Variants in CSMD1 observed in about 807,000 individuals in gnomAD.
The protein encoded by CSMD1 is CUB and sushi domain-containing protein 1.
In CSMD1, 213 loss-of-function variants were observed where a neutral mutation model predicts 417.5. That is an observed-to-expected ratio of 0.51 (90% confidence interval 0.46 to 0.57). The LOEUF (loss-of-function observed/expected upper bound fraction) is 0.57, where lower values mean the gene tolerates loss of function less well. Among genes scored for constraint, CSMD1 ranks in the 20% least tolerant of loss-of-function variants. The pLI is 0.00. For synonymous variants in CSMD1, 2,862 were observed against 1,736.8 expected, an observed-to-expected ratio of 1.65 and a Z score of -16.11; for missense variants, 6,923 against 4,529.7, an observed-to-expected ratio of 1.53 and a Z score of -15.17.
chr8:4,161,871 T>G (rs1797191809), intron 3 of CSMD1, among the ~76,000 whole-genome samples: 1 of 152,238 alleles, frequency 6.6e-6, no homozygotes, highest in South Asian at 2.1e-4. Flanking sequence ...TTTAATTCTT[T>G]TAGATTTTAT....
At chr8:4,180,257 A>T (rs1798284826) in intron 3 of CSMD1, among the ~76,000 whole-genome samples, 1 of 152,058 alleles carries the variant, frequency 6.6e-6, no homozygotes, top group African/African-American at 2.4e-5. Flanking sequence ...ATAAAAAATG[A>T]TGAGTTCATG....
At chr8:4,171,194 A>C (rs1272088188) in intron 3 of CSMD1, among the ~76,000 whole-genome samples, 1 of 151,688 alleles carries the variant, frequency 6.6e-6, no homozygotes. Flanking sequence ...CATCACCATC[A>C]CAGACCTGTG....
rs370854492 is a variant in CSMD1, at chr8:4,727,073, G to A, written c.86-89515C>T. ...ATGGAGAAACTGAGATTGATGTCAG[G>A]GCTTTCTACCGGCTGAGTAGGGTGA... On this transcript the variant is annotated intron_variant, in intron 1 of 69. Transcript: ENST00000635120. Among the ~76,000 whole-genome samples, 30 of 152,034 alleles carry A rather than the reference G, an allele frequency of 2.0e-4. 1 individual carries two copies. The highest frequency in any genetic ancestry group is 1.5e-3 in the Admixed American group (23 of 15,262).
intron 1 of CSMD1, among the ~76,000 whole-genome samples, chr8:4,952,308 G>C (rs1307725101): frequency 6.6e-6 from 1 of 150,720 alleles, no homozygotes; most frequent in African/African-American, 2.4e-5. Flanking sequence ...AAGTTAATTA[G>C]CCAACGCTTT....
intron 10 of CSMD1, among the ~76,000 whole-genome samples, chr8:3,505,368 C>G (rs1796781046): frequency 6.6e-6 from 1 of 152,060 alleles, no homozygotes; most frequent in African/African-American, 2.4e-5. Flanking sequence ...TTATAGATCA[C>G]TACATGAAAG....
At chr8:4,178,627 G>C (rs1307767515) in intron 3 of CSMD1, among the ~76,000 whole-genome samples, 5 of 151,980 alleles carry the variant, frequency 3.3e-5, no homozygotes, top group South Asian at 2.1e-4. Context: ...ATTAGGAAAA[G>C]AGGAAGTCAA....
At chr8:3,399,347 G>A in intron 16 of CSMD1, 44 bp downstream of exon 16, 2 of 1,530,048 alleles carry the variant, frequency 1.3e-6, no homozygotes, top group Non-Finnish European at 1.8e-6. Flanking sequence ...CTATGGAAGA[G>A]ACACACACCA....
At chr8:4,385,362 G>T (rs1484065144) in intron 3 of CSMD1, among the ~76,000 whole-genome samples, 1 of 152,190 alleles carries the variant, frequency 6.6e-6, no homozygotes, top group East Asian at 1.9e-4. Context: ...ACAAATAACC[G>T]ACGTGGCCCC....
At chr8:4,698,079 C>T (rs187121460) in intron 1 of CSMD1, among the ~76,000 whole-genome samples, 191 of 150,326 alleles carry the variant, frequency 1.3e-3, no homozygotes, top group Non-Finnish European at 2.3e-3. Flanking sequence ...AGTTCCCAAA[C>T]ATGTCAAATA....
chr8:3,426,344 C>T lies in CSMD1; in HGVS notation c.1562-16739G>A, dbSNP rs535125730. ...TTTGTTCCGTAGGTTACGTATCAGA[C>T]AGTGATCATGAGACTCATAGATACT... is the stretch of plus-strand genomic sequence containing the variant. On this transcript the variant is annotated intron_variant, in intron 12 of 69. Transcript: ENST00000635120. Among the ~76,000 whole-genome samples, 3 of 152,280 alleles carry T rather than the reference C, an allele frequency of 2.0e-5. No individual in the cohort carries two copies. The South Asian group carries it at 6.2e-4, about 32-fold the overall frequency.
intron 1 of CSMD1, among the ~76,000 whole-genome samples, chr8:4,938,627 C>A (rs1046580361): frequency 2.6e-5 from 4 of 152,054 alleles, no homozygotes; most frequent in African/African-American, 9.7e-5. Context: ...AGCACATTTA[C>A]ATAAACACGT....
intron 11 of CSMD1, among the ~76,000 whole-genome samples, chr8:3,472,792 C>A (rs529202680): frequency 1.3e-5 from 2 of 152,094 alleles, no homozygotes; most frequent in South Asian, 4.1e-4. Flanking sequence ...ACATTTAGGG[C>A]AGTCAAAACA....
At chr8:4,066,267 T>C (rs1028197684) in intron 3 of CSMD1, among the ~76,000 whole-genome samples, 1 of 152,176 alleles carries the variant, frequency 6.6e-6, no homozygotes, top group African/African-American at 2.4e-5. Context: ...ACCTCTGAGG[T>C]ATCCCTTCTT....
At chr8:3,291,010 A>ATT (rs1359132027) in intron 25 of CSMD1, among the ~76,000 whole-genome samples, 1 of 152,042 alleles carries the variant, frequency 6.6e-6, no homozygotes. Context: ...TCAACACCTA[A>ATT]TTTTTTGAGA....
intron 3 of CSMD1, among the ~76,000 whole-genome samples, chr8:4,392,662 A>ATTG (rs1272843496): frequency 7.2e-6 from 1 of 138,914 alleles, no homozygotes; most frequent in African/African-American, 3.0e-5. Flanking sequence ...TATTATTATT[A>ATTG]TTATTTTTTT....
Position 3,926,082 on chromosome 8 carries a change from T to TACAC in CSMD1, c.818+71817_818+71820dup, listed in dbSNP as rs58966907. ...CACACACACACACACACAAACACCA[T>TACAC]ACACACACACACACACACACACACA... On this transcript the variant is annotated intron_variant, in intron 5 of 69. Transcript: ENST00000635120. Among the ~76,000 whole-genome samples the TACAC allele has an allele frequency of 1.0e-3, 106 of 103,994 alleles. 2 individuals carry two copies. Among genetic ancestry groups the TACAC allele is most frequent in the East Asian group, 3.8e-3 (8 of 2,120 alleles). 68.2% of individuals were successfully genotyped at this position (103,994 alleles called of 152,430 possible). A position where few individuals can be genotyped will look rare whatever the true frequency, so the allele number is the denominator to read the frequency against.
At chr8:3,882,780 A>C (rs1806291102) in intron 5 of CSMD1, among the ~76,000 whole-genome samples, 1 of 152,222 alleles carries the variant, frequency 6.6e-6, no homozygotes, top group Admixed American at 6.5e-5. Context: ...AAAGCAAAAC[A>C]ATGCAAAATC....
At chr8:4,275,133 T>C (rs980920592) in intron 3 of CSMD1, among the ~76,000 whole-genome samples, 2 of 152,186 alleles carry the variant, frequency 1.3e-5, no homozygotes, top group African/African-American at 4.8e-5. Context: ...CCAATGATAG[T>C]CAATAAAAGA....
chr8:3,966,700 T>C (rs965816025), intron 5 of CSMD1, among the ~76,000 whole-genome samples: 4 of 151,692 alleles, frequency 2.6e-5, no homozygotes, highest in Admixed American at 6.6e-5. Context: ...GCGTATGCCA[T>C]GCCTGGCAGG....
Sources: allele counts gnomAD v4.1 joint callset (sites outside exome capture counted in the v4.1 genomes callset), GRCh38; gene constraint gnomAD v4.1.1; transcripts MANE v1.5; gene names NCBI Gene and HGNC (gene_info 2026-07-23, HGNC 2026-07-21).